The following SND1 variants were observed in gnomAD, a reference collection of about 807,000 sequenced individuals.
SND1 encodes the protein staphylococcal nuclease domain-containing protein 1.
SND1 carries 38 observed loss-of-function variants against 121.7 expected under a neutral mutation model. The ratio of observed to expected loss-of-function variants is 0.31; its 90% CI spans 0.24 to 0.41. SND1 has a LOEUF of 0.41. SND1 is among the 10% of genes least tolerant of loss of function. The pLI is 1.00. For synonymous variants in SND1, 401 were observed against 447.4 expected, an observed-to-expected ratio of 0.90 and a Z score of 1.31; for missense variants, 868 against 1,184.6, an observed-to-expected ratio of 0.73 and a Z score of 3.92.
chr7:127,692,141 AG>A (rs1795930961), intron 2 of SND1, among the ~76,000 whole-genome samples: 1 of 152,140 alleles, frequency 6.6e-6, no homozygotes, highest in Non-Finnish European at 1.5e-5. Flanking sequence ...CCTAGTAACT[AG>A]TTAAGGTTTT....
intron 1 of SND1, among the ~76,000 whole-genome samples, chr7:127,662,868 A>G (rs1353895201): frequency 6.7e-6 from 1 of 149,352 alleles, no homozygotes; most frequent in East Asian, 1.9e-4. Flanking sequence ...TTTGCACATA[A>G]CCCGTGCACA....
chr7:127,732,904 T>C (rs889985164), intron 10 of SND1, among the ~76,000 whole-genome samples: 8 of 152,214 alleles, frequency 5.3e-5, no homozygotes, highest in African/African-American at 1.9e-4. Flanking sequence ...TTGTTTGTAA[T>C]GTCAGGTTTC....
chr7:128,025,215 A>G (rs993495588), intron 16 of SND1, among the ~76,000 whole-genome samples: 6 of 152,300 alleles, frequency 3.9e-5, no homozygotes, highest in Admixed American at 2.6e-4. Flanking sequence ...GAGAACACAG[A>G]CGTATCTTAG....
rs1258771840 is a variant in SND1 at position 127,807,563 on chromosome 7, T to C, written c.1232T>C (p.Ile411Thr). 6 of 1,613,308 alleles carry C rather than the reference T, an allele frequency of 3.7e-6. No homozygotes were observed. The highest frequency in any genetic ancestry group is 4.5e-5 in the East Asian group (2 of 44,880). ...EAREFLRKKL[I>T]GKKVNVTVDY... ...CGGGAATTTCTTCGAAAAAAGCTTA[T>C]TGGGAAGAAGGTAAGTAATTGATGA... The change falls in exon 11 of 24, where the codon ATT becomes ACT. Residue 411 changes from isoleucine (I) to threonine (T), a missense_variant. Ile to Thr is a moderately conservative substitution (Grantham distance 89). Around this residue, in one of 2 missense-constraint regions of SND1, gnomAD observed 743 missense variants for 1,071.3 expected, o/e 0.69. Transcript: ENST00000354725.
intron 3 of SND1, among the ~76,000 whole-genome samples, chr7:127,695,887 G>A (rs944130159): frequency 2.0e-5 from 3 of 152,156 alleles, no homozygotes; most frequent in African/African-American, 4.8e-5. Flanking sequence ...TGTGCATATT[G>A]TATAGCTGGG....
chr7:127,726,097 T>C (rs1410139590), intron 10 of SND1, among the ~76,000 whole-genome samples: 1 of 152,212 alleles, frequency 6.6e-6, no homozygotes, highest in East Asian at 1.9e-4. Flanking sequence ...GCTCCCTTAA[T>C]TTGGTTACTT....
At chr7:127,667,441 A>C (rs1246599887) in intron 1 of SND1, among the ~76,000 whole-genome samples, 8 of 152,120 alleles carry the variant, frequency 5.3e-5, no homozygotes, top group Admixed American at 2.6e-4. Flanking sequence ...TGTACAGTAC[A>C]TTTTACTCAG....
chr7:127,875,708 T>A (rs549418421), intron 12 of SND1, among the ~76,000 whole-genome samples: 1 of 152,268 alleles, frequency 6.6e-6, no homozygotes, highest in South Asian at 2.1e-4. Context: ...ATTACTAGGA[T>A]GATTAGGTTA....
At chr7:127,923,651 A>G (rs1800765370) in intron 14 of SND1, among the ~76,000 whole-genome samples, 2 of 152,288 alleles carry the variant, frequency 1.3e-5, no homozygotes, top group East Asian at 1.9e-4. Flanking sequence ...CAAGATGTGG[A>G]AAGGAGGAAG....
chr7:127,882,525 T>C (rs1470624660), intron 12 of SND1, among the ~76,000 whole-genome samples: 1 of 152,042 alleles, frequency 6.6e-6, no homozygotes, highest in African/African-American at 2.4e-5. Context: ...TAGCCAAGTT[T>C]TCCCAGCATG....
chr7:127,779,013 C>T (rs1196241930), intron 10 of SND1, among the ~76,000 whole-genome samples: 1 of 152,182 alleles, frequency 6.6e-6, no homozygotes, highest in African/African-American at 2.4e-5. Context: ...ATTTGTTATG[C>T]TAATGCCTTA....
chr7:127,700,466 G>A (rs1272739560), intron 4 of SND1, among the ~76,000 whole-genome samples: 1 of 152,186 alleles, frequency 6.6e-6, no homozygotes. Flanking sequence ...CCGAGTGTCT[G>A]AGATTATGCA....
At chr7:127,657,698 A>G (rs763407421) in intron 1 of SND1, among the ~76,000 whole-genome samples, 17 of 151,834 alleles carry the variant, frequency 1.1e-4, no homozygotes, top group African/African-American at 1.9e-4. Flanking sequence ...GGGTCTTGCT[A>G]TGTTGCCCAG....
chr7:127,783,006 A>G (rs1277888763), intron 10 of SND1, among the ~76,000 whole-genome samples: 2 of 152,224 alleles, frequency 1.3e-5, no homozygotes, highest in Non-Finnish European at 2.9e-5. Context: ...AATTCAGCAA[A>G]CATGCTGCAG....
At chr7:127,942,421 G>T (rs1801234478) in intron 15 of SND1, among the ~76,000 whole-genome samples, 1 of 152,162 alleles carries the variant, frequency 6.6e-6, no homozygotes, top group Non-Finnish European at 1.5e-5. Flanking sequence ...TTCAGCATCT[G>T]CATCTCAAGA....
At chr7:127,841,110 T>C (rs1046174284) in intron 11 of SND1, among the ~76,000 whole-genome samples, 3 of 152,210 alleles carry the variant, frequency 2.0e-5, no homozygotes, top group African/African-American at 7.2e-5. Context: ...CTCCCACACA[T>C]GTGGCATAGT....
At chr7:127,837,094 AT>A (rs1465020469) in intron 11 of SND1, among the ~76,000 whole-genome samples, 1 of 152,142 alleles carries the variant, frequency 6.6e-6, no homozygotes, top group Non-Finnish European at 1.5e-5. Context: ...TTTATATCAT[AT>A]TTTTTTCATA....
intron 10 of SND1, among the ~76,000 whole-genome samples, chr7:127,795,561 C>T (rs1227425103): frequency 6.6e-6 from 1 of 152,114 alleles, no homozygotes; most frequent in African/African-American, 2.4e-5. Flanking sequence ...GTAAGGATTT[C>T]TGCTAACTTA....
intron 22 of SND1, among the ~76,000 whole-genome samples, chr7:128,091,566 T>C (rs322820): frequency 0.71 from 107,375 of 151,980 alleles, 39,212 homozygotes; most frequent in African/African-American, 0.89. Context: ...AGATACTTTA[T>C]CACAGACTGA....
Sources: allele counts gnomAD v4.1 joint callset (sites outside exome capture counted in the v4.1 genomes callset), GRCh38; gene constraint gnomAD v4.1.1; regional missense constraint gnomAD v4.1.1; transcripts MANE v1.5; gene names NCBI Gene and HGNC (gene_info 2026-07-23, HGNC 2026-07-21).